Variants in COL25A1 observed in about 807,000 individuals in gnomAD.
The protein encoded by COL25A1 is collagen alpha-1(XXV) chain.
In COL25A1, 103 loss-of-function variants were observed where a neutral mutation model predicts 128.4. The ratio of observed to expected loss-of-function variants is 0.80; its 90% CI spans 0.68 to 0.94. The LOEUF (loss-of-function observed/expected upper bound fraction) is 0.94. Among genes scored for constraint, COL25A1 ranks in the 40% least tolerant of loss-of-function variants. COL25A1 has a pLI of 0.00. For synonymous variants in COL25A1, 279 were observed against 277.2 expected, an observed-to-expected ratio of 1.01 and a Z score of -0.06; for missense variants, 745 against 840.0, an observed-to-expected ratio of 0.89 and a Z score of 1.40.
chr4:109,208,618 T>C (rs1011590011), intron 3 of COL25A1, among the ~76,000 whole-genome samples: 2 of 152,270 alleles, frequency 1.3e-5, no homozygotes, highest in East Asian at 3.9e-4. Context: ...TAAAAAAGAT[T>C]ATTAGCTTCA....
intron 3 of COL25A1, among the ~76,000 whole-genome samples, chr4:109,299,058 T>C (rs982017230): frequency 6.6e-6 from 1 of 152,214 alleles, no homozygotes; most frequent in Non-Finnish European, 1.5e-5. Context: ...TCTCAAAAAA[T>C]AGAACTCAAT....
At chr4:109,078,348 A>T (rs1231103431) in intron 3 of COL25A1, among the ~76,000 whole-genome samples, 1 of 152,206 alleles carries the variant, frequency 6.6e-6, no homozygotes, top group African/African-American at 2.4e-5. Flanking sequence ...AACCATGTGA[A>T]TTTCAGCAGT....
At chr4:109,232,922 G>A (rs1360726781) in intron 3 of COL25A1, among the ~76,000 whole-genome samples, 4 of 152,274 alleles carry the variant, frequency 2.6e-5, no homozygotes, top group African/African-American at 9.6e-5. Context: ...AATGTTTGAT[G>A]CACTTCACAA....
intron 27 of COL25A1, 53 bp downstream of exon 27, chr4:108,848,706 A>C: frequency 1.6e-6 from 2 of 1,263,302 alleles, no homozygotes; most frequent in Non-Finnish European, 2.3e-6. Flanking sequence ...CTACAATAAA[A>C]GTAGTAATCA....
chr4:109,000,150 G>A (rs1755206514), intron 6 of COL25A1, among the ~76,000 whole-genome samples: 1 of 151,620 alleles, frequency 6.6e-6, no homozygotes, highest in Non-Finnish European at 1.5e-5. Context: ...AAGAGAGAAA[G>A]GAAAAAAGTG....
At chr4:109,035,616 G>A (rs930131349) in intron 5 of COL25A1, among the ~76,000 whole-genome samples, 84 of 152,196 alleles carry the variant, frequency 5.5e-4, no homozygotes, top group African/African-American at 2.0e-3. Flanking sequence ...ATTTTTTAAT[G>A]ACAAAATAAA....
rs1175585715 is a variant in COL25A1, at chr4:109,048,084, A to T, written c.420+84T>A. ...TAACATTTTTCTAATAGACATAGAG[A>T]CTATATTTTGGTGTTTTAACAAAGT... On this transcript the variant is annotated intron_variant, in intron 5 of 37. Transcript: ENST00000399132. 3.6e-6 allele frequency: 5 copies of T among 1,398,884 alleles called. No individual in the cohort carries two copies. The Admixed American group carries it at 8.4e-5, about 24-fold the overall frequency. The allele number at this position is 1,398,884 out of a possible 1,614,324, so 86.7% of individuals were successfully genotyped here.
intron 3 of COL25A1, among the ~76,000 whole-genome samples, chr4:109,114,177 C>A (rs1767301510): frequency 6.6e-6 from 1 of 151,962 alleles, no homozygotes; most frequent in Admixed American, 6.6e-5. Context: ...CATCCAAGAA[C>A]AACAGAAAAT....
At position 109,046,504 on chromosome 4, in the gene COL25A1, G is replaced by A. The variant is rs143196249; in HGVS notation, c.420+1664C>T. 4.7e-3 allele frequency among the ~76,000 whole-genome samples: 713 copies of A among 152,288 alleles called. 4 individuals are homozygous for A. Among genetic ancestry groups the A allele is most frequent in the African/African-American group, 0.015 (628 of 41,552 alleles). ...AAGCCTTGAACACTCTACTCCAGCC[G>A]TAACCTCAGGAGTTTCCTCTGGGTA... On this transcript the variant is annotated intron_variant, in intron 5 of 37. Coordinates refer to ENST00000399132, the MANE Select transcript of COL25A1 (RefSeq NM_198721.4).
intron 3 of COL25A1, among the ~76,000 whole-genome samples, chr4:109,194,896 T>C (rs1560845417): frequency 6.6e-6 from 1 of 152,148 alleles, no homozygotes; most frequent in Non-Finnish European, 1.5e-5. Context: ...ATCAAAACAT[T>C]GATGTGTTTT....
At chr4:108,954,563 A>G (rs1328528409) in intron 8 of COL25A1, among the ~76,000 whole-genome samples, 4 of 152,032 alleles carry the variant, frequency 2.6e-5, no homozygotes, top group Non-Finnish European at 1.5e-5. Flanking sequence ...AAGAGTAAAG[A>G]TTAGATTGTC....
intron 5 of COL25A1, among the ~76,000 whole-genome samples, chr4:109,020,682 A>G (rs1456453646): frequency 6.6e-6 from 1 of 152,148 alleles, no homozygotes; most frequent in Non-Finnish European, 1.5e-5. Flanking sequence ...TACCATATTT[A>G]TTTTTTCTCT....
At chr4:109,022,841 A>T (rs1757897066) in intron 5 of COL25A1, among the ~76,000 whole-genome samples, 1 of 152,182 alleles carries the variant, frequency 6.6e-6, no homozygotes, top group South Asian at 2.1e-4. Flanking sequence ...AGGCTGTGTA[A>T]CACTGCTTTG....
intron 3 of COL25A1, among the ~76,000 whole-genome samples, chr4:109,215,511 C>T (rs1157919679): frequency 2.0e-5 from 3 of 152,026 alleles, no homozygotes; most frequent in Non-Finnish European, 4.4e-5. Context: ...GATAACTGAC[C>T]TTTAGTCAGT....
At chr4:109,097,193 C>T (rs1049205322) in intron 3 of COL25A1, among the ~76,000 whole-genome samples, 18 of 152,144 alleles carry the variant, frequency 1.2e-4, no homozygotes, top group African/African-American at 2.9e-4. Context: ...GCATTTAGCA[C>T]GACTGACTCC....
intron 3 of COL25A1, among the ~76,000 whole-genome samples, chr4:109,051,636 C>T (rs950135883): frequency 1.2e-4 from 18 of 151,718 alleles, no homozygotes; most frequent in Non-Finnish European, 1.6e-4. Flanking sequence ...CACACACACA[C>T]ACACACACAC....
intron 3 of COL25A1, among the ~76,000 whole-genome samples, chr4:109,254,105 A>G (rs1780876959): frequency 6.6e-6 from 1 of 151,754 alleles, no homozygotes; most frequent in Non-Finnish European, 1.5e-5. Context: ...AAAAAAAAAA[A>G]GAATTGTTTA....
chr4:108,934,059 C>T (rs1293099962), intron 11 of COL25A1, among the ~76,000 whole-genome samples: 1 of 152,068 alleles, frequency 6.6e-6, no homozygotes, highest in Non-Finnish European at 1.5e-5. Context: ...GTACTATTCA[C>T]AATAGCAAAG....
rs1395710517 is a variant in COL25A1 at position 108,896,712 on chromosome 4, C to T, written c.862-1G>A. The T allele has an allele frequency of 6.2e-7, 1 of 1,613,738 alleles. No homozygotes were observed. The highest frequency in any genetic ancestry group is 1.3e-5 in the African/African-American group (1 of 74,908). On this transcript the variant is annotated splice_acceptor_variant, in intron 15 of 37. Transcript: ENST00000399132. LOFTEE classifies it high-confidence loss of function. Reference sequence around the variant, plus strand: ...TGGGGCCGTTCTCTCCAGCGTCTCCCTGAGGAGGTGAGAAAGTGACACATG... The same window carrying T: ...TGGGGCCGTTCTCTCCAGCGTCTCCTTGAGGAGGTGAGAAAGTGACACATG...
Sources: allele counts gnomAD v4.1 joint callset (sites outside exome capture counted in the v4.1 genomes callset), GRCh38; gene constraint gnomAD v4.1.1; transcripts MANE v1.5; gene names NCBI Gene and HGNC (gene_info 2026-07-23, HGNC 2026-07-21).